SUN1: variants seen among roughly 807,000 people sequenced by gnomAD.
SUN1 encodes the protein Sad1 and UNC84 domain containing 1.
Under a neutral mutation model 103.2 loss-of-function variants are expected in SUN1, and 61 were observed. That is an observed-to-expected ratio of 0.59 (90% CI 0.48 to 0.73). SUN1 has a LOEUF of 0.73. Ranked by LOEUF, SUN1 falls within the 30% of genes least tolerant of loss-of-function variation. The pLI is 0.00. For missense variants in SUN1, 1,052 were observed against 1,034.6 expected (o/e 1.02, Z -0.23); for synonymous variants, 490 against 425.7 (o/e 1.15, Z -1.86).
chr7:843,193 T>TG lies in SUN1; in HGVS notation c.452-13_452-12insG, dbSNP rs537734027. 466 of 517,542 alleles carry TG rather than the reference T, an allele frequency of 9.0e-4. No homozygotes were observed. Among genetic ancestry groups the TG allele is most frequent in the Admixed American group, 6.2e-3 (82 of 13,186 alleles). 32.1% of individuals were successfully genotyped at this position (517,542 alleles called of 1,614,324 possible). ...CAGCAAAAATGTGTGTGTGTGTGTG[T>TG]TTTTTTTTTTAGGTCTTGATGATGA... On this transcript the variant is annotated splice_polypyrimidine_tract_variant and intron_variant, in intron 3 of 18. Coordinates refer to ENST00000401592, the MANE Select transcript of SUN1 (RefSeq NM_001130965.3).
upstream of SUN1, chr7:831,182 C>A: frequency 3.5e-6 from 1 of 286,874 alleles, no homozygotes; most frequent in Non-Finnish European, 5.2e-6. Flanking sequence ...TCCTGGAATG[C>A]CGAGCAAGTG....
chr7:845,052 T>C (rs1814043870), intron 5 of SUN1, among the ~76,000 whole-genome samples: 1 of 152,188 alleles, frequency 6.6e-6, no homozygotes, highest in Non-Finnish European at 1.5e-5. Flanking sequence ...AAAAGCACAT[T>C]CCATACACTC....
rs78287890 is a variant in SUN1 at position 846,962 on chromosome 7, A to G, written c.658+3442A>G. Among the ~76,000 whole-genome samples the G allele has an allele frequency of 5.8e-3, 888 of 152,302 alleles. 19 individuals are homozygous for G. The highest frequency in any genetic ancestry group is 0.038 in the Admixed American group (583 of 15,306). ...CCAGAGTTGAAGGCTGCAGTGAGCT[A>G]TGATCATGCCCCTGCTAGGCCACAG... On this transcript the variant is annotated intron_variant, in intron 5 of 18. Coordinates refer to ENST00000401592, the MANE Select transcript of SUN1 (RefSeq NM_001130965.3).
intron 1 of SUN1, among the ~76,000 whole-genome samples, chr7:824,214 C>T (rs1789159313): frequency 6.6e-6 from 1 of 152,304 alleles, no homozygotes; most frequent in East Asian, 1.9e-4. Context: ...ATGAGAAATA[C>T]CCCTGGCTGA....
At chr7:837,913 T>C (rs1209432419) in intron 1 of SUN1, among the ~76,000 whole-genome samples, 1 of 152,256 alleles carries the variant, frequency 6.6e-6, no homozygotes. Context: ...ACACTGAAAT[T>C]CTGTCTGGCT....
intron 5 of SUN1, among the ~76,000 whole-genome samples, chr7:844,877 A>G (rs1359583445): frequency 6.6e-6 from 1 of 151,974 alleles, no homozygotes; most frequent in African/African-American, 2.4e-5. Flanking sequence ...CCCCTTAGCC[A>G]CCTGCCTCCA....
At chr7:865,787 G>C (rs528427967) in intron 15 of SUN1, among the ~76,000 whole-genome samples, 165 bp from the exon 16 acceptor site, 1 of 152,144 alleles carries the variant, frequency 6.6e-6, no homozygotes, top group African/African-American at 2.4e-5. Context: ...ATTGTAACTG[G>C]GGGGAGAAGA....
intron 7 of SUN1, 199 bp downstream of exon 7, chr7:852,242 A>G: frequency 1.6e-6 from 1 of 632,668 alleles, no homozygotes; most frequent in South Asian, 2.0e-5. Context: ...ATTAAGGAAA[A>G]CAAATGTGCA....
At chr7:831,987 G>T (rs1274790586), upstream of SUN1, 6 of 965,078 alleles carry the variant, frequency 6.2e-6, no homozygotes, top group Non-Finnish European at 7.4e-6. Context: ...AGTGTAAATA[G>T]TGCCTTAAGC....
At position 871,080 on chromosome 7, in the gene SUN1, G is replaced by A. The variant is rs1408612500; in HGVS notation, c.2149-1390G>A. On this transcript the variant is annotated intron_variant, in intron 17 of 18. Transcript: ENST00000401592. Reference sequence around the variant, plus strand: ...TAATTTTTGTGTTTTTAGTAGAGACGGGGTTTCTCCTTGTTGCTCTGGCTG... The same window carrying A: ...TAATTTTTGTGTTTTTAGTAGAGACAGGGTTTCTCCTTGTTGCTCTGGCTG... Among the ~76,000 whole-genome samples, 5 of 151,648 alleles carry A rather than the reference G, an allele frequency of 3.3e-5. No individual in the cohort carries two copies. The East Asian group carries it at 9.8e-4, about 30-fold the overall frequency.
intron 16 of SUN1, 183 bp from the exon 17 acceptor site, chr7:869,166 T>C: frequency 1.4e-6 from 1 of 704,462 alleles, no homozygotes; most frequent in Admixed American, 2.5e-5. Context: ...GGGTTGGAGA[T>C]AGTGGCCCTC....
chr7:868,005 G>C (rs1838396745), intron 16 of SUN1, among the ~76,000 whole-genome samples: 1 of 152,258 alleles, frequency 6.6e-6, no homozygotes, highest in African/African-American at 2.4e-5. Flanking sequence ...CTTTGGGCTG[G>C]CAAAGGGAGA....
chr7:861,969 T>C (rs928829116), intron 15 of SUN1, among the ~76,000 whole-genome samples: 1 of 152,186 alleles, frequency 6.6e-6, no homozygotes. Flanking sequence ...GCCAGACCTC[T>C]TGGGGCAGAT....
chr7:852,941 C>A lies in SUN1; in HGVS notation c.1042C>A (p.Gln348Lys). The A allele has an allele frequency of 1.6e-5, 25 of 1,612,556 alleles. No individual in the cohort carries two copies. The highest frequency in any genetic ancestry group is 2.1e-5 in the Non-Finnish European group (25 of 1,179,454). ...TAAACCCACGACTTCTCGCCTGAAGCAGCCTCTGCAGGTAAGAGGGTAGAA... is the reference window on the plus strand; with the variant it reads ...TAAACCCACGACTTCTCGCCTGAAGAAGCCTCTGCAGGTAAGAGGGTAGAA... ...VFKPTTSRLKQPLQGDSEAFP... is the reference protein window; with the variant it reads ...VFKPTTSRLKKPLQGDSEAFP... The change falls in exon 9 of 19, where the codon CAG becomes AAG. Residue 348 changes from glutamine to lysine, a missense_variant. Gln to Lys is a moderately conservative substitution (Grantham distance 53, BLOSUM62 1). Transcript: ENST00000401592.
At chr7:872,146 G>A (rs924927322) in intron 17 of SUN1, among the ~76,000 whole-genome samples, 5 of 152,238 alleles carry the variant, frequency 3.3e-5, no homozygotes, top group Non-Finnish European at 5.9e-5. Context: ...GCTGAGGGCA[G>A]CAGCTGAGCA....
At chr7:825,226 TTTTG>T (rs1421780112) in intron 1 of SUN1, among the ~76,000 whole-genome samples, 5 of 152,246 alleles carry the variant, frequency 3.3e-5, no homozygotes, top group African/African-American at 1.2e-4. Flanking sequence ...GCCCGGCTAA[TTTTG>T]TTTTTGTATT....
upstream of SUN1, among the ~76,000 whole-genome samples, chr7:829,636 G>GCTC (rs1796116931): frequency 6.7e-6 from 1 of 150,160 alleles, no homozygotes; most frequent in African/African-American, 2.5e-5. Flanking sequence ...CTCACTGCAA[G>GCTC]CTCCGCTTCC....
chr7:823,878 C>T (rs903051974), intron 1 of SUN1, among the ~76,000 whole-genome samples: 14 of 152,062 alleles, frequency 9.2e-5, no homozygotes, highest in African/African-American at 2.4e-4. Context: ...GACATCCAGG[C>T]GGAAATGCCC....
intron 11 of SUN1, among the ~76,000 whole-genome samples, chr7:855,246 C>T (rs1205731991): frequency 2.0e-5 from 3 of 152,230 alleles, no homozygotes; most frequent in Non-Finnish European, 2.9e-5. Context: ...GGGCTGCACA[C>T]GCCAGGAGGT....
Sources: gnomAD v4.1 joint callset for allele counts (sites outside exome capture counted in the v4.1 genomes callset) on GRCh38, gnomAD v4.1.1 for gene constraint, MANE v1.5 for transcripts, NCBI Gene and HGNC (gene_info 2026-07-23, HGNC 2026-07-21) for gene names.